Variants in CALR3 observed in about 807,000 individuals in gnomAD.
The protein encoded by CALR3 is calreticulin-3.
In CALR3, 39 loss-of-function variants were observed where a neutral mutation model predicts 48.7. The ratio of observed to expected loss-of-function variants is 0.80; its 90% CI spans 0.62 to 1.05. The LOEUF (loss-of-function observed/expected upper bound fraction) is 1.05, where lower values mean the gene tolerates loss of function less well. CALR3 is among the 50% of genes least tolerant of loss of function. CALR3 has a pLI of 0.00. For missense variants in CALR3, 449 were observed against 474.7 expected (o/e 0.95, Z 0.50); for synonymous variants, 185 against 172.7 (o/e 1.07, Z -0.56).
At chr19:16,487,269 A>T (rs2093390498) in intron 3 of CALR3, among the ~76,000 whole-genome samples, 1 of 152,210 alleles carries the variant, frequency 6.6e-6, no homozygotes, top group East Asian at 1.9e-4. Flanking sequence ...ACCTGAGGTC[A>T]GTAGGTCGAG....
In CALR3 at chr19:16,489,291, C is replaced by T. The variant is rs535367114; in HGVS notation, c.397+1076G>A. 2.6e-5 allele frequency among the ~76,000 whole-genome samples: 4 copies of T among 152,146 alleles called. No individual in the cohort carries two copies. In the South Asian group the frequency reaches 8.3e-4, roughly 32 times the overall value. On this transcript the variant is annotated intron_variant, in intron 3 of 8. Coordinates refer to ENST00000269881, the MANE Select transcript of CALR3 (RefSeq NM_145046.5). The stretch of plus-strand genomic sequence containing the variant: ...CCTGAGGTCAGGAGTTCGATACCTG[C>T]CAGGAGTTCGAGACCAGCCTGACCA...
intron 2 of CALR3, 61 bp downstream of exon 2, chr19:16,495,690 C>G (rs747116379): frequency 7.6e-7 from 1 of 1,318,748 alleles, no homozygotes; most frequent in Non-Finnish European, 1.1e-6. Context: ...CCACAACTAC[C>G]TAGAGAGGTT....
At chr19:16,491,281 C>G (rs546853350) in intron 2 of CALR3, among the ~76,000 whole-genome samples, 5 of 151,778 alleles carry the variant, frequency 3.3e-5, no homozygotes, top group African/African-American at 1.2e-4. Flanking sequence ...GGCCACAACA[C>G]CCAGCTAATT....
intron 3 of CALR3, among the ~76,000 whole-genome samples, chr19:16,487,423 T>A (rs1599719602): frequency 7.1e-6 from 1 of 140,436 alleles, no homozygotes; most frequent in African/African-American, 2.7e-5. Flanking sequence ...GAGGTTGCAG[T>A]GAGCCGGGAT....
At chr19:16,486,422 C>G (rs925772355) in intron 3 of CALR3, among the ~76,000 whole-genome samples, 6 of 151,608 alleles carry the variant, frequency 4.0e-5, no homozygotes, top group African/African-American at 1.5e-4. Flanking sequence ...GAGTTCGAGA[C>G]CAGCCTGACT....
rs1209076661 is a variant in CALR3, at chr19:16,490,415, T to A, written c.349A>T (p.Ile117Phe). Residue 117 changes from isoleucine (I) to phenylalanine (F), a missense_variant, in exon 3 of 9, where the codon ATT (isoleucine) becomes TTT (phenylalanine). Coordinates refer to ENST00000269881, the MANE Select transcript of CALR3 (RefSeq NM_145046.5). ...TTTCCATTCAGGTTCTTCTGGTCAA[T>A]GTCTGCAGGAAAGACCTTAATGTAG... ...GGYIKVFPAD[I>F]DQKNLNGKSQ... is the part of the protein sequence containing the mutation. 1.4e-5 allele frequency: 23 copies of A among 1,614,106 alleles called. 1 individual carries two copies. The East Asian group carries it at 4.9e-4, about 34-fold the overall frequency.
chr19:16,481,794 C>T (rs1175095660), intron 7 of CALR3, among the ~76,000 whole-genome samples: 1 of 151,494 alleles, frequency 6.6e-6, no homozygotes, highest in East Asian at 1.9e-4. Context: ...CCACTGAGCC[C>T]AGCTGGGATC....
intron 2 of CALR3, among the ~76,000 whole-genome samples, chr19:16,495,212 C>A (rs1305917071): frequency 3.0e-5 from 4 of 135,436 alleles, no homozygotes; most frequent in East Asian, 4.2e-4. Flanking sequence ...GGCGACAGAG[C>A]GAGACTCCTA....
At chr19:16,491,831 ACTTT>A (rs1357827690) in intron 2 of CALR3, among the ~76,000 whole-genome samples, 5 of 151,644 alleles carry the variant, frequency 3.3e-5, no homozygotes, top group Admixed American at 2.0e-4. Flanking sequence ...TGGACACTAA[ACTTT>A]CTTTCTTTCT....
chr19:16,490,279 A>G (rs567053701), intron 3 of CALR3, 88 bp downstream of exon 3: 61 of 1,197,106 alleles, frequency 5.1e-5, no homozygotes, highest in East Asian at 1.4e-4. Flanking sequence ...CCTTCACTAC[A>G]TTAGCAAAGT....
chr19:16,489,810 C>A (rs1312553999), intron 3 of CALR3, among the ~76,000 whole-genome samples: 1 of 149,076 alleles, frequency 6.7e-6, no homozygotes, highest in African/African-American at 2.5e-5. Flanking sequence ...AGTGAAAACT[C>A]GGGCTCGAAA....
intron 4 of CALR3, among the ~76,000 whole-genome samples, chr19:16,484,383 A>T (rs1378854620): frequency 6.6e-6 from 1 of 151,476 alleles, no homozygotes; most frequent in African/African-American, 2.4e-5. Flanking sequence ...CACCATGTTG[A>T]CCAGGCTGGT....
rs150430942 is a variant in CALR3 at position 16,479,220 on chromosome 19, G to C, written c.1066C>G (p.Arg356Gly). The part of the protein sequence containing the change: ...IQAKEEMKKA[R>G]EEEEEELLSG... ...AGCAGCTCTTCCTCCTCTTCCTCGCGGGCCTTCTTCATTTCCTCCTTGGCC... is the reference window on the plus strand; with the variant it reads ...AGCAGCTCTTCCTCCTCTTCCTCGCCGGCCTTCTTCATTTCCTCCTTGGCC... Residue 356 changes from arginine (R) to glycine (G), a missense_variant, in exon 9 of 9, where the codon CGC (arginine) becomes GGC (glycine). Physicochemically the swap from Arg to Gly is moderately radical, Grantham distance 125 (BLOSUM62 -2). Transcript: ENST00000269881. 1.2e-6 allele frequency: 2 copies of C among 1,613,952 alleles called. No homozygotes were observed. The highest frequency in any genetic ancestry group is 1.7e-6 in the Non-Finnish European group (2 of 1,179,988).
chr19:16,489,849 AACAAAAACAAACAAAC>A (rs1211001222), intron 3 of CALR3, among the ~76,000 whole-genome samples: 18 of 130,490 alleles, frequency 1.4e-4, no homozygotes, highest in Non-Finnish European at 5.1e-5. Flanking sequence ...CAAAAACAAA[AACAAAAACAAACAAAC>A]AAAAAAACTA....
At chr19:16,489,544 GGGA>G (rs752259509) in intron 3 of CALR3, among the ~76,000 whole-genome samples, 18 of 151,938 alleles carry the variant, frequency 1.2e-4, no homozygotes, top group Non-Finnish European at 2.1e-4. Context: ...CCTTGAACCT[GGGA>G]GGAGGAGGTT....
rs750352175 is a variant in CALR3 at position 16,485,267 on chromosome 19, A to C, written c.398-10T>G. 3.1e-5 allele frequency: 47 copies of C among 1,539,300 alleles called. 1 individual carries two copies. In the East Asian group the frequency reaches 1.1e-3, roughly 35 times the overall value. On this transcript the variant is annotated splice_polypyrimidine_tract_variant and intron_variant, in intron 3 of 8. Transcript: ENST00000269881. The stretch of plus-strand genomic sequence containing the variant: ...CCACAAATATCGGGTCCTACAAAAA[A>C]GATTAGCTGCTCTCAATTTCTTTCC...
intron 2 of CALR3, among the ~76,000 whole-genome samples, chr19:16,493,627 G>A (rs1006687440): frequency 7.0e-6 from 1 of 141,964 alleles, no homozygotes; most frequent in African/African-American, 2.6e-5. Context: ...TCGACTCACT[G>A]CAACCTCCGC....
intron 2 of CALR3, 78 bp downstream of exon 2, chr19:16,495,673 G>C (rs1281931450): frequency 4.6e-6 from 5 of 1,097,634 alleles, no homozygotes; most frequent in Non-Finnish European, 7.0e-6. Context: ...AAAGCGTTTT[G>C]GCTGTGCCAC....
At chr19:16,483,749 T>G in intron 5 of CALR3, 181 bp downstream of exon 5, 1 of 613,016 alleles carries the variant, frequency 1.6e-6, no homozygotes. Context: ...AATAAATAAA[T>G]GTTTTACGAT....
Sources: gnomAD v4.1 joint callset for allele counts (sites outside exome capture counted in the v4.1 genomes callset) on GRCh38, gnomAD v4.1.1 for gene constraint, MANE v1.5 for transcripts, NCBI Gene and HGNC (gene_info 2026-07-23, HGNC 2026-07-21) for gene names.